The following DNAJC5B variants were observed in gnomAD, a reference collection of about 807,000 sequenced individuals.
DNAJC5B encodes DnaJ heat shock protein family (Hsp40) member C5 beta.
In DNAJC5B, 23 loss-of-function variants were observed where a neutral mutation model predicts 24.7. The observed-to-expected ratio is 0.93, with a 90% CI of 0.67 to 1.32. The LOEUF (loss-of-function observed/expected upper bound fraction) is 1.32. DNAJC5B is among the 40% of genes most tolerant of loss of function. The pLI is 0.00. For missense variants in DNAJC5B, 238 were observed against 240.8 expected (o/e 0.99, Z 0.08); for synonymous variants, 101 against 90.1 (o/e 1.12, Z -0.68).
At chr8:66,032,451 T>C (rs964686945) in intron 1 of DNAJC5B, among the ~76,000 whole-genome samples, 1 of 152,226 alleles carries the variant, frequency 6.6e-6, no homozygotes, top group African/African-American at 2.4e-5. Flanking sequence ...GTGTGGATAT[T>C]ATTATTTAAT....
chr8:66,079,927 G>GACC (rs1807554273), intron 4 of DNAJC5B, among the ~76,000 whole-genome samples: 1 of 152,110 alleles, frequency 6.6e-6, no homozygotes, highest in Non-Finnish European at 1.5e-5. Flanking sequence ...GCAGGAATGT[G>GACC]AGTGTAGGAG....
chr8:66,064,526 T>C (rs756464447), intron 3 of DNAJC5B, among the ~76,000 whole-genome samples: 2 of 152,230 alleles, frequency 1.3e-5, no homozygotes, highest in Non-Finnish European at 2.9e-5. Context: ...TTATCCTCCC[T>C]TGACCTTCTA....
chr8:66,039,036 A>G (rs981545241), intron 1 of DNAJC5B, among the ~76,000 whole-genome samples: 1 of 152,240 alleles, frequency 6.6e-6, no homozygotes. Context: ...TTATTAGTGA[A>G]CACACTTATT....
upstream of DNAJC5B, among the ~76,000 whole-genome samples, chr8:66,016,605 G>T (rs1040679258): frequency 9.2e-5 from 14 of 152,174 alleles, no homozygotes; most frequent in Non-Finnish European, 2.1e-4. Context: ...AATACAATGA[G>T]TGATTTAGTC....
At chr8:66,030,547 C>T (rs1237768517) in intron 1 of DNAJC5B, among the ~76,000 whole-genome samples, 1 of 152,230 alleles carries the variant, frequency 6.6e-6, no homozygotes, top group Non-Finnish European at 1.5e-5. Context: ...TGCCCCCTTC[C>T]TCTACTGGTA....
intron 2 of DNAJC5B, among the ~76,000 whole-genome samples, chr8:66,048,987 T>C (rs1448616109): frequency 6.6e-6 from 1 of 152,230 alleles, no homozygotes; most frequent in Non-Finnish European, 1.5e-5. Flanking sequence ...CTGTTTGATC[T>C]CTATACTTGG....
intron 1 of DNAJC5B, among the ~76,000 whole-genome samples, chr8:66,036,154 G>A (rs985969076): frequency 6.6e-6 from 1 of 152,200 alleles, no homozygotes; most frequent in Admixed American, 6.5e-5. Flanking sequence ...GGAACTCTTT[G>A]ACGTGCTCTG....
chr8:66,035,846 AC>A (rs1806472020), intron 1 of DNAJC5B, among the ~76,000 whole-genome samples: 1 of 152,094 alleles, frequency 6.6e-6, no homozygotes, highest in African/African-American at 2.4e-5. Context: ...GGGAAGGTCG[AC>A]TTTTACCTTT....
intron 5 of DNAJC5B, among the ~76,000 whole-genome samples, chr8:66,083,003 C>CTTTTTTTTTTTTTTT (rs765749597): frequency 6.9e-5 from 6 of 86,724 alleles, no homozygotes; most frequent in Admixed American, 1.3e-4. Flanking sequence ...CTTTTCTTTT[C>CTTTTTTTTTTTTTTT]TTTTTTTTTT....
At chr8:66,085,227 G>C (rs1392559301) in intron 5 of DNAJC5B, among the ~76,000 whole-genome samples, 1 of 152,164 alleles carries the variant, frequency 6.6e-6, no homozygotes, top group Admixed American at 6.5e-5. Context: ...ATCGCTTGAG[G>C]CCAGGAGTTC....
intron 3 of DNAJC5B, chr8:66,056,437 C>T (rs970144150): frequency 6.6e-6 from 1 of 152,208 alleles, no homozygotes; most frequent in African/African-American, 2.4e-5. Flanking sequence ...CCACAAGCAC[C>T]CAGCCCAGGA....
At chr8:66,083,067 A>G (rs1807636862) in intron 5 of DNAJC5B, among the ~76,000 whole-genome samples, 1 of 129,500 alleles carries the variant, frequency 7.7e-6, no homozygotes, top group South Asian at 2.3e-4. Flanking sequence ...GCTGGAGTGC[A>G]GTGGCACGAT....
rs1364806776 is a variant in DNAJC5B at position 66,080,605 on chromosome 8, C to A, written c.505+57C>A. On this transcript the variant is annotated intron_variant, in intron 5 of 5. Coordinates refer to ENST00000276570, the MANE Select transcript of DNAJC5B (RefSeq NM_033105.6). ...GTCCATTCATAGGCCTGAGCAAGCA[C>A]CAGGTCCCACGGGGACAGCTATCAC... 5.5e-6 allele frequency: 8 copies of A among 1,449,420 alleles called. No individual in the cohort carries two copies. The Admixed American group carries it at 9.1e-5, about 16-fold the overall frequency. The allele number at this position is 1,449,420 out of a possible 1,614,324, so 89.8% of individuals were successfully genotyped here.
chr8:66,065,621 A>C (rs549582502), intron 3 of DNAJC5B, among the ~76,000 whole-genome samples: 10 of 152,330 alleles, frequency 6.6e-5, no homozygotes, highest in African/African-American at 2.4e-4. Context: ...GTGCAAGTGC[A>C]TGAAGTGGTT....
chr8:66,095,658 GACACACAC>G (rs10566337), intron 5 of DNAJC5B, among the ~76,000 whole-genome samples: 3,532 of 146,726 alleles, frequency 0.024, 132 homozygotes, highest in African/African-American at 0.081. Flanking sequence ...ACTTTAGCTT[GACACACAC>G]ACACACACAC....
chr8:66,032,002 T>C (rs1806370656), intron 1 of DNAJC5B, among the ~76,000 whole-genome samples: 1 of 152,246 alleles, frequency 6.6e-6, no homozygotes, highest in South Asian at 2.1e-4. Flanking sequence ...AGACCTCCCA[T>C]ATGGAAAGTA....
intron 4 of DNAJC5B, among the ~76,000 whole-genome samples, chr8:66,078,253 G>A (rs1308723987): frequency 4.6e-5 from 7 of 152,154 alleles, no homozygotes; most frequent in Admixed American, 3.3e-4. Context: ...ATAATTCCTG[G>A]TGTGGTTCTT....
upstream of DNAJC5B, among the ~76,000 whole-genome samples, chr8:66,020,326 C>T (rs1048920064): frequency 7.2e-5 from 11 of 152,138 alleles, no homozygotes; most frequent in African/African-American, 2.4e-4. Flanking sequence ...GTAAATGAAG[C>T]ATGATGTAAA....
At chr8:66,041,924 C>T (rs1246398760) in intron 1 of DNAJC5B, among the ~76,000 whole-genome samples, 4 of 152,296 alleles carry the variant, frequency 2.6e-5, no homozygotes, top group Non-Finnish European at 5.9e-5. Context: ...CACGTAGGAC[C>T]TTTGAACATG....
Sources: gnomAD v4.1 joint callset for allele counts (sites outside exome capture counted in the v4.1 genomes callset) on GRCh38, gnomAD v4.1.1 for gene constraint, MANE v1.5 for transcripts, NCBI Gene and HGNC (gene_info 2026-07-23, HGNC 2026-07-21) for gene names.